The following DNAJC6 variants were observed in gnomAD, a reference collection of about 807,000 sequenced individuals.
DNAJC6 encodes the protein auxilin.
Under a neutral mutation model 110.0 loss-of-function variants are expected in DNAJC6, and 34 were observed. The ratio of observed to expected loss-of-function variants is 0.31; its 90% CI spans 0.24 to 0.41. The LOEUF (loss-of-function observed/expected upper bound fraction) is 0.41, where lower values mean the gene tolerates loss of function less well. Ranked by LOEUF, DNAJC6 falls within the 10% of genes least tolerant of loss-of-function variation. The pLI, the probability that DNAJC6 is intolerant of heterozygous loss-of-function variation, is 1.00. For missense variants in DNAJC6, 1,031 were observed against 1,207.8 expected (o/e 0.85, Z 2.17); for synonymous variants, 406 against 437.2 (o/e 0.93, Z 0.89).
intron 1 of DNAJC6, among the ~76,000 whole-genome samples, chr1:65,265,981 G>A (rs1169830572): frequency 6.6e-6 from 1 of 152,240 alleles, no homozygotes; most frequent in African/African-American, 2.4e-5. Context: ...CGCTTCGAGT[G>A]CGCTGTGTTT....
At chr1:65,277,380 G>A (rs1292605676) in intron 1 of DNAJC6, among the ~76,000 whole-genome samples, 1 of 152,108 alleles carries the variant, frequency 6.6e-6, no homozygotes, top group Non-Finnish European at 1.5e-5. Context: ...ATTTTTCTGA[G>A]TCTGGTTCTC....
chr1:65,350,298 T>C (rs541866213), intron 1 of DNAJC6, among the ~76,000 whole-genome samples: 16 of 152,290 alleles, frequency 1.1e-4, no homozygotes, highest in African/African-American at 3.4e-4. Context: ...TTTAGCAAAA[T>C]TTTCATTTCA....
chr1:65,321,773 A>G (rs1411868269), intron 1 of DNAJC6, among the ~76,000 whole-genome samples: 1 of 152,218 alleles, frequency 6.6e-6, no homozygotes, highest in African/African-American at 2.4e-5. Flanking sequence ...CTAGCAGCAG[A>G]ACTCAGGTCT....
At position 65,408,655 on chromosome 1, in the gene DNAJC6, G is replaced by T. The variant is rs373898827; in HGVS notation, c.2506G>T (p.Ala836Ser). Residue 836 changes from alanine (A) to serine (S), a missense_variant, in exon 17 of 19, where the codon GCA becomes TCA. Coordinates refer to ENST00000371069, the MANE Select transcript of DNAJC6 (RefSeq NM_001256864.2). Reference sequence around the variant, plus strand: ...TTATATTGCAGAAGGGAAACAAAAAGCAGCTGATTTTGAAGACCTACTCTC... The same window carrying T: ...TTATATTGCAGAAGGGAAACAAAAATCAGCTGATTTTGAAGACCTACTCTC... ...GSSNLEGKQK[A>S]ADFEDLLSGQ... 86 of 1,610,402 alleles carry T rather than the reference G, an allele frequency of 5.3e-5. No homozygotes were observed. Among genetic ancestry groups the T allele is most frequent in the Admixed American group, 3.2e-4 (19 of 58,776 alleles).
chr1:65,389,455 A>T lies in DNAJC6; in HGVS notation c.1387+6A>T. 6.2e-7 allele frequency: 1 copy of T among 1,613,864 alleles called. No homozygotes were observed. Among genetic ancestry groups the T allele is most frequent in the Non-Finnish European group, 8.5e-7 (1 of 1,179,864 alleles). Reference sequence around the variant, plus strand: ...AGATACGCTGGCCTTAGGAGGTATGAGTCACCTGATGGTTTTGTTTTTCAG... The same window carrying T: ...AGATACGCTGGCCTTAGGAGGTATGTGTCACCTGATGGTTTTGTTTTTCAG... On this transcript the variant is annotated splice_donor_region_variant and intron_variant, in intron 10 of 18. Coordinates refer to ENST00000371069, the MANE Select transcript of DNAJC6 (RefSeq NM_001256864.2).
Position 65,269,359 on chromosome 1 carries a change from C to A in DNAJC6, c.-131+4427C>A, listed in dbSNP as rs555841134. Among the ~76,000 whole-genome samples, 6 of 150,386 alleles carry A rather than the reference C, an allele frequency of 4.0e-5. No homozygotes were observed. In the South Asian group the frequency reaches 1.3e-3, roughly 32 times the overall value. On this transcript the variant is annotated intron_variant, in intron 1 of 19. Coordinates refer to the DNAJC6 transcript ENST00000263441. ...CTCCAGCTTGGGTGACAGAGTGAGA[C>A]CCTGTCTCAAAAAAAAAAAAAAAAG...
In DNAJC6 at chr1:65,399,015, T is replaced by C. The variant is rs193250152; in HGVS notation, c.2107+134T>C. 70 of 870,318 alleles carry C rather than the reference T, an allele frequency of 8.0e-5. No homozygotes were observed. The African/African-American group carries it at 9.9e-4, about 12-fold the overall frequency. 53.9% of individuals were successfully genotyped at this position (870,318 alleles called of 1,614,324 possible). A position where few individuals can be genotyped will look rare whatever the true frequency, so the allele number is the denominator to read the frequency against. On this transcript the variant is annotated intron_variant, in intron 14 of 18. Transcript: ENST00000371069. ...TGTCACTTTTTCCTAAAGATTCATA[T>C]TCTAGAAGAGCTTTTCCCAATGCAC...
chr1:65,301,169 T>C (rs921523560), intron 1 of DNAJC6, among the ~76,000 whole-genome samples: 1 of 152,134 alleles, frequency 6.6e-6, no homozygotes, highest in African/African-American at 2.4e-5. Context: ...ACTTGTAAAA[T>C]GACAGATGAA....
At chr1:65,374,258 A>G (rs370137843) in intron 4 of DNAJC6, among the ~76,000 whole-genome samples, 2 of 150,934 alleles carry the variant, frequency 1.3e-5, no homozygotes, top group African/African-American at 2.4e-5. Flanking sequence ...GGCTTTGGCT[A>G]TTTGGAGTCT....
chr1:65,331,666 A>C (rs1645289611), intron 1 of DNAJC6, among the ~76,000 whole-genome samples: 1 of 152,142 alleles, frequency 6.6e-6, no homozygotes, highest in Admixed American at 6.5e-5. Flanking sequence ...AGACATTTCT[A>C]ATTATAACTT....
At chr1:65,348,830 T>C (rs1645461036) in intron 1 of DNAJC6, among the ~76,000 whole-genome samples, 1 of 150,372 alleles carries the variant, frequency 6.7e-6, no homozygotes. Context: ...TGTTTTTAGT[T>C]TCTCTATTCT....
At chr1:65,407,455 G>A (rs762230479) in intron 16 of DNAJC6, among the ~76,000 whole-genome samples, 54 of 152,146 alleles carry the variant, frequency 3.5e-4, no homozygotes, top group African/African-American at 1.1e-3. Context: ...CAGCTTATAA[G>A]CGACAGAGCC....
chr1:65,324,130 G>C (rs1465344409), intron 1 of DNAJC6, among the ~76,000 whole-genome samples: 1 of 151,948 alleles, frequency 6.6e-6, no homozygotes, highest in Admixed American at 6.6e-5. Flanking sequence ...CCTTGTCTTT[G>C]TTATATCCAT....
At chr1:65,373,093 TA>T (rs1645723718) in intron 4 of DNAJC6, among the ~76,000 whole-genome samples, 1 of 152,150 alleles carries the variant, frequency 6.6e-6, no homozygotes, top group African/African-American at 2.4e-5. Context: ...TTATTTCAGT[TA>T]TAATGGCCTC....
At chr1:65,375,926 C>T (rs541986198) in intron 4 of DNAJC6, among the ~76,000 whole-genome samples, 3 of 152,272 alleles carry the variant, frequency 2.0e-5, no homozygotes, top group South Asian at 2.1e-4. Context: ...AGTATTTCCT[C>T]TTCTTCCATT....
Position 65,401,875 on chromosome 1 carries a change from C to T in DNAJC6, c.2222C>T (p.Thr741Ile). The part of the protein sequence containing the change: ...QTLDPFADLG[T>I]LGSSSFASKP... ...CTGGATCCTTTTGCCGACCTTGGGA[C>T]ACTAGGTACAAACTCAGAAGATCAA... Residue 741 changes from threonine to isoleucine, a missense_variant, in exon 15 of 19, where the codon ACA becomes ATA. Thr to Ile is a moderately conservative substitution (Grantham distance 89). Coordinates refer to ENST00000371069, the MANE Select transcript of DNAJC6 (RefSeq NM_001256864.2). The T allele has an allele frequency of 6.2e-7, 1 of 1,613,366 alleles. No individual in the cohort carries two copies. Among genetic ancestry groups the T allele is most frequent in the Non-Finnish European group, 8.5e-7 (1 of 1,179,830 alleles).
chr1:65,336,097 A>G (rs1334798725), intron 1 of DNAJC6, among the ~76,000 whole-genome samples: 1 of 152,178 alleles, frequency 6.6e-6, no homozygotes, highest in Non-Finnish European at 1.5e-5. Flanking sequence ...AGGCTGGGTA[A>G]TTTATTAAAG....
At chr1:65,323,856 G>T (rs35812026) in intron 1 of DNAJC6, among the ~76,000 whole-genome samples, 3,211 of 152,232 alleles carry the variant, frequency 0.021, 54 homozygotes, top group Non-Finnish European at 0.034. Context: ...CTCCCAAAGT[G>T]CTGGGATTAC....
intron 14 of DNAJC6, among the ~76,000 whole-genome samples, chr1:65,400,270 A>G (rs1646018549): frequency 6.6e-6 from 1 of 152,252 alleles, no homozygotes; most frequent in Admixed American, 6.5e-5. Context: ...ACACTGTGAT[A>G]TGGTTAAATG....
Sources: gnomAD v4.1 joint callset for allele counts (sites outside exome capture counted in the v4.1 genomes callset) on GRCh38, gnomAD v4.1.1 for gene constraint, MANE v1.5 for transcripts, NCBI Gene and HGNC (gene_info 2026-07-23, HGNC 2026-07-21) for gene names.